Variants in FRMD4A observed in about 807,000 individuals in gnomAD.
FRMD4A encodes the protein FERM domain-containing protein 4A.
FRMD4A carries 29 observed loss-of-function variants against 129.1 expected under a neutral mutation model. That is an observed-to-expected ratio of 0.22 (90% CI 0.17 to 0.31). The LOEUF is 0.31. Ranked by LOEUF, FRMD4A falls within the 10% of genes least tolerant of loss-of-function variation. The pLI is 1.00. For synonymous variants in FRMD4A, 634 were observed against 571.6 expected (o/e 1.11, Z -1.56); for missense variants, 1,272 against 1,375.8 (o/e 0.92, Z 1.19).
intron 2 of FRMD4A, among the ~76,000 whole-genome samples, chr10:14,079,865 A>G (rs1395795264): frequency 6.6e-6 from 1 of 152,208 alleles, no homozygotes; most frequent in African/African-American, 2.4e-5. Flanking sequence ...GTACCCAGAA[A>G]CACAGTGAGG....
chr10:14,330,270 G>A, intron 1 of FRMD4A, 87 bp from the exon 2 acceptor site: 1 of 650,804 alleles, frequency 1.5e-6, no homozygotes, highest in Non-Finnish European at 2.8e-6. Flanking sequence ...GTGGGGAGGA[G>A]GTCAGGGAAG....
chr10:13,665,252 CTTCTG>C (rs961158347), intron 18 of FRMD4A, among the ~76,000 whole-genome samples: 2 of 152,070 alleles, frequency 1.3e-5, no homozygotes, highest in African/African-American at 4.8e-5. Context: ...CACCATCCAT[CTTCTG>C]TTTGAATAAT....
At chr10:13,852,503 A>G (rs10906517) in intron 3 of FRMD4A, among the ~76,000 whole-genome samples, 76,241 of 151,930 alleles carry the variant, frequency 0.5, 19,277 homozygotes, top group East Asian at 0.61. Context: ...GATTACAGGC[A>G]TGAGCCACCA....
intron 2 of FRMD4A, among the ~76,000 whole-genome samples, chr10:14,051,588 C>T (rs1834261907): frequency 6.6e-6 from 1 of 152,196 alleles, no homozygotes; most frequent in Non-Finnish European, 1.5e-5. Flanking sequence ...AGAGCTGCTT[C>T]CCTGAAACCT....
intron 12 of FRMD4A, among the ~76,000 whole-genome samples, chr10:13,712,567 C>T (rs148939537): frequency 6.6e-5 from 10 of 151,792 alleles, no homozygotes; most frequent in African/African-American, 2.2e-4. Context: ...TCTGGACTTG[C>T]GTGAAACAAA....
intron 2 of FRMD4A, among the ~76,000 whole-genome samples, chr10:14,239,242 T>C (rs1466168826): frequency 3.9e-5 from 6 of 152,244 alleles, no homozygotes; most frequent in Non-Finnish European, 5.9e-5. Context: ...CGTGGCTTAA[T>C]AGACTCATGG....
At chr10:14,144,007 G>A (rs148767402) in intron 2 of FRMD4A, among the ~76,000 whole-genome samples, 1 of 152,210 alleles carries the variant, frequency 6.6e-6, no homozygotes. Flanking sequence ...TTTCCACTGA[G>A]CTAGTACAAA....
intron 8 of FRMD4A, among the ~76,000 whole-genome samples, chr10:13,751,062 G>A (rs1197182424): frequency 2.0e-5 from 3 of 152,160 alleles, no homozygotes; most frequent in Non-Finnish European, 2.9e-5. Flanking sequence ...CAACTTTATT[G>A]GATGAAACCA....
Position 14,191,803 on chromosome 10 carries a change from T to C in FRMD4A, c.45+138255A>G, listed in dbSNP as rs201937075. Among the ~76,000 whole-genome samples, 1,425 of 114,430 alleles carry C rather than the reference T, an allele frequency of 0.012. 37 individuals are homozygous for C. In the East Asian group the frequency reaches 0.13, roughly 10 times the overall value. The allele number at this position is 114,430 out of a possible 152,430, so 75.1% of individuals were successfully genotyped here. On this transcript the variant is annotated intron_variant, in intron 2 of 24. Transcript: ENST00000357447. ...TTCAGCTCAACTGGCTGTTTTTTTT[T>C]TTTCTCTCTCTCTCTCTCTCTCCTG... is the stretch of plus-strand genomic sequence containing the variant.
intron 5 of FRMD4A, among the ~76,000 whole-genome samples, chr10:13,785,656 T>C (rs1277310582): frequency 6.6e-6 from 1 of 152,224 alleles, no homozygotes; most frequent in African/African-American, 2.4e-5. Flanking sequence ...AGTTCTAGGG[T>C]ACACATGCAC....
intron 3 of FRMD4A, among the ~76,000 whole-genome samples, chr10:13,846,907 G>C (rs1052106146): frequency 6.6e-6 from 1 of 152,210 alleles, no homozygotes; most frequent in African/African-American, 2.4e-5. Flanking sequence ...AGGCAGGGTG[G>C]CAAGGAGCTG....
At chr10:13,827,920 T>TGGGCTCGAAGCCCCTC (rs1363107755) in intron 3 of FRMD4A, among the ~76,000 whole-genome samples, 3 of 152,178 alleles carry the variant, frequency 2.0e-5, no homozygotes, top group Non-Finnish European at 4.4e-5. Flanking sequence ...CCGAGCCCCT[T>TGGGCTCGAAGCCCCTC]GGGCTCGAAG....
chr10:14,224,508 A>G (rs1335040110), intron 2 of FRMD4A, among the ~76,000 whole-genome samples: 7 of 152,232 alleles, frequency 4.6e-5, no homozygotes, highest in African/African-American at 1.7e-4. Context: ...TTAAAAGGCC[A>G]GTTAATCTAT....
At chr10:14,149,553 G>A (rs902297745) in intron 2 of FRMD4A, among the ~76,000 whole-genome samples, 2 of 152,156 alleles carry the variant, frequency 1.3e-5, no homozygotes, top group African/African-American at 2.4e-5. Context: ...CATCCAGGCT[G>A]GAGTACAGTG....
intron 3 of FRMD4A, among the ~76,000 whole-genome samples, chr10:13,832,519 G>T (rs2093806478): frequency 6.6e-6 from 1 of 152,190 alleles, no homozygotes; most frequent in African/African-American, 2.4e-5. Flanking sequence ...CGACTTGATT[G>T]GTCTTGGGTG....
chr10:13,897,161 G>A (rs1010444511), intron 2 of FRMD4A, among the ~76,000 whole-genome samples: 3 of 152,188 alleles, frequency 2.0e-5, no homozygotes, highest in South Asian at 2.1e-4. Flanking sequence ...ATAATTTAGA[G>A]TGCTTCCATT....
At chr10:14,030,921 C>A (rs1833210572) in intron 2 of FRMD4A, among the ~76,000 whole-genome samples, 1 of 152,224 alleles carries the variant, frequency 6.6e-6, no homozygotes, top group African/African-American at 2.4e-5. Context: ...CTGGCTCATG[C>A]ACCCACAACC....
intron 2 of FRMD4A, among the ~76,000 whole-genome samples, chr10:14,098,711 A>G (rs993306808): frequency 7.9e-5 from 12 of 152,202 alleles, no homozygotes; most frequent in African/African-American, 2.4e-4. Flanking sequence ...CCCAGCCTGA[A>G]TATGGTTCTC....
chr10:13,904,633 C>G (rs1271620191), intron 2 of FRMD4A, among the ~76,000 whole-genome samples: 1 of 152,166 alleles, frequency 6.6e-6, no homozygotes, highest in African/African-American at 2.4e-5. Context: ...TTATCACTTT[C>G]TTTTAGCCAA....
Sources: gnomAD v4.1 joint callset for allele counts (sites outside exome capture counted in the v4.1 genomes callset) on GRCh38, gnomAD v4.1.1 for gene constraint, MANE v1.5 for transcripts, NCBI Gene and HGNC (gene_info 2026-07-23, HGNC 2026-07-21) for gene names.